ADNP: variants seen among roughly 807,000 people sequenced by gnomAD.
The protein encoded by ADNP is activity dependent neuroprotector homeobox.
A neutral mutation model predicts 84.9 loss-of-function variants in ADNP; 4 were observed. The ratio of observed to expected loss-of-function variants is 0.05; its 90% CI spans 0.02 to 0.11. The LOEUF (loss-of-function observed/expected upper bound fraction) is 0.11. Among genes scored for constraint, ADNP ranks in the 10% least tolerant of loss-of-function variants. The probability of loss-of-function intolerance (pLI) is 1.00; values close to 1 mark genes in which losing one functional copy is unlikely to be tolerated. For missense variants in ADNP, 1,132 were observed against 1,326.0 expected (o/e 0.85, Z 2.27); for synonymous variants, 554 against 468.1 (o/e 1.18, Z -2.37).
intron 1 of ADNP, among the ~76,000 whole-genome samples, chr20:50,929,696 C>T (rs757896418): frequency 6.6e-6 from 1 of 151,998 alleles, no homozygotes; most frequent in African/African-American, 2.4e-5. Context: ...TCTAAAGAAA[C>T]TGTATCAAGC....
chr20:50,891,497 CCTCA>C lies in ADNP; in HGVS notation c.3213_3216del (p.Ser1071ArgfsTer9), dbSNP rs1568701332. ...GTCATGTTGTCAAACTGTTCCCCAT[CCTCA>C]CTGTCAATTGTGCTATTCTGCCACT... On this transcript the variant is annotated frameshift_variant, in exon 6 of 6. Transcript: ENST00000621696. LOFTEE classifies it high-confidence loss of function. 10 of 1,612,500 alleles carry C rather than the reference CCTCA, an allele frequency of 6.2e-6. No individual in the cohort carries two copies. Among genetic ancestry groups the C allele is most frequent in the Non-Finnish European group, 7.6e-6 (9 of 1,180,018 alleles).
At chr20:50,930,582 G>A (rs1984646506) in intron 1 of ADNP, among the ~76,000 whole-genome samples, 1 of 152,170 alleles carries the variant, frequency 6.6e-6, no homozygotes, top group Non-Finnish European at 1.5e-5. Context: ...GGCGGAGAAG[G>A]GGGTCGGGCT....
At chr20:50,925,055 G>C (rs1984194840) in intron 2 of ADNP, among the ~76,000 whole-genome samples, 1 of 152,028 alleles carries the variant, frequency 6.6e-6, no homozygotes, top group East Asian at 1.9e-4. Context: ...ACCAAGGTAG[G>C]GATCAATAAT....
At chr20:50,899,874 T>A (rs546041720) in intron 5 of ADNP, among the ~76,000 whole-genome samples, 1 of 148,562 alleles carries the variant, frequency 6.7e-6, no homozygotes, top group Non-Finnish European at 1.5e-5. Context: ...ACAATTTTTT[T>A]TTTTTTTTTT....
At position 50,891,370 on chromosome 20, in the gene ADNP, C is replaced by A. The variant is rs959731070; in HGVS notation, c.*35G>T. 2.6e-6 allele frequency: 4 copies of A among 1,550,446 alleles called. No homozygotes were observed. Among genetic ancestry groups the A allele is most frequent in the Admixed American group, 1.9e-5 (1 of 52,656 alleles). On this transcript the variant is annotated 3_prime_UTR_variant, in exon 6 of 6. Transcript: ENST00000621696. The stretch of plus-strand genomic sequence containing the variant: ...TCACACTGGATATCAGAGTTCCAGG[C>A]TGCAGCATGTCACCAACGCCAGGGA...
chr20:50,889,594 GTCTT>G lies in ADNP; in HGVS notation c.*1807_*1810del, dbSNP rs1033299435. Reference sequence around the variant, plus strand: ...CTCTCTGGTAACAGCATTAACAAGAGTCTTTCTTTTGGAAACAGACTCAGAAGTT... The same window carrying G: ...CTCTCTGGTAACAGCATTAACAAGAGTCTTTTGGAAACAGACTCAGAAGTT... On this transcript the variant is annotated 3_prime_UTR_variant, in exon 6 of 6. Transcript: ENST00000621696. The G allele has an allele frequency of 3.1e-6, 1 of 325,022 alleles. No individual in the cohort carries two copies. The highest frequency in any genetic ancestry group is 1.6e-4 in the South Asian group (1 of 6,342). The allele number at this position is 325,022 out of a possible 1,614,324, so 20.1% of individuals were successfully genotyped here. A position where few individuals can be genotyped will look rare whatever the true frequency, so the allele number is the denominator to read the frequency against.
At chr20:50,910,970 G>A (rs1454266440) in intron 2 of ADNP, among the ~76,000 whole-genome samples, 3 of 152,168 alleles carry the variant, frequency 2.0e-5, no homozygotes, top group African/African-American at 7.2e-5. Flanking sequence ...CAATTCTGGA[G>A]ACTAACACTG....
chr20:50,891,737 G>T lies in ADNP; in HGVS notation c.2977C>A (p.Pro993Thr). Residue 993 changes from proline (P) to threonine (T), a missense_variant, in exon 6 of 6, where the codon CCA becomes ACA. Pro to Thr is a conservative substitution (Grantham distance 38). Coordinates refer to ENST00000621696, the MANE Select transcript of ADNP (RefSeq NM_001282531.3). ...GAAGACTCGTCAGACCAGGTTCCTG[G>T]TTTCATTTCGCAGGTATTGTCCTCA... ...DFEDNTCEMK[P>T]GTWSDESSQS... 1 of 1,614,134 alleles carries T rather than the reference G, an allele frequency of 6.2e-7. No individual in the cohort carries two copies. Among genetic ancestry groups the T allele is most frequent in the African/African-American group, 1.3e-5 (1 of 75,032 alleles).
Position 50,928,817 on chromosome 20 carries a change from A to G in ADNP, c.-256T>C, listed in dbSNP as rs1984454232. ...CTGGGGCCTAGGTTTCGCATTGTGCATCTCACACCTATGGAAATAACAAGA... is the reference window on the plus strand; with the variant it reads ...CTGGGGCCTAGGTTTCGCATTGTGCGTCTCACACCTATGGAAATAACAAGA... On this transcript the variant is annotated 5_prime_UTR_variant, in exon 2 of 6. The change abolishes an upstream ATG in the 5' untranslated region. Coordinates refer to ENST00000621696, the MANE Select transcript of ADNP (RefSeq NM_001282531.3). 6.6e-6 allele frequency: 1 copy of G among 152,272 alleles called. No homozygotes were observed. The highest frequency in any genetic ancestry group is 2.4e-5 in the African/African-American group (1 of 41,468). 9.4% of individuals were successfully genotyped at this position (152,272 alleles called of 1,614,324 possible). A position where few individuals can be genotyped will look rare whatever the true frequency, so the allele number is the denominator to read the frequency against.
At chr20:50,917,396 G>A (rs1328269450) in intron 2 of ADNP, among the ~76,000 whole-genome samples, 1 of 152,192 alleles carries the variant, frequency 6.6e-6, no homozygotes, top group African/African-American at 2.4e-5. Flanking sequence ...CCATCACCAT[G>A]GAGGCCAAGA....
chr20:50,901,952 C>A (rs1372691860), intron 5 of ADNP, 65 bp downstream of exon 5: 2 of 1,201,074 alleles, frequency 1.7e-6, no homozygotes, highest in African/African-American at 3.0e-5. Context: ...CTATAAAAGG[C>A]CTAGAGCTGA....
intron 2 of ADNP, chr20:50,914,252 C>T: frequency 1.4e-6 from 1 of 712,042 alleles, no homozygotes; most frequent in Admixed American, 2.1e-5. Flanking sequence ...AACACTCCTC[C>T]ACACTTAGTC....
At chr20:50,926,559 T>A (rs377021474) in intron 2 of ADNP, among the ~76,000 whole-genome samples, 2 of 152,230 alleles carry the variant, frequency 1.3e-5, no homozygotes, top group East Asian at 3.8e-4. Context: ...CTTAGATGTA[T>A]TGTCCCCAAA....
At chr20:50,911,280 T>C (rs531899700) in intron 2 of ADNP, among the ~76,000 whole-genome samples, 37 of 152,348 alleles carry the variant, frequency 2.4e-4, no homozygotes, top group Admixed American at 1.2e-3. Context: ...ATGAATTCTT[T>C]GCCTAGACCA....
At chr20:50,920,723 G>GT (rs1243169228) in intron 2 of ADNP, among the ~76,000 whole-genome samples, 1 of 152,104 alleles carries the variant, frequency 6.6e-6, no homozygotes, top group Non-Finnish European at 1.5e-5. Context: ...GGATACTGGG[G>GT]TAAGAGTAAA....
In ADNP at chr20:50,892,039, G is replaced by C; in HGVS notation, c.2675C>G (p.Pro892Arg). Reference sequence around the variant, plus strand: ...TTCAACTTCAAAAACAGGGTCAAAAGGGCTACCACTTTCATTGGATTCTTC... The same window carrying C: ...TTCAACTTCAAAAACAGGGTCAAAACGGCTACCACTTTCATTGGATTCTTC... ...LEEESNESGS[P>R]FDPVFEVEPK... The change falls in exon 6 of 6, where the codon CCT becomes CGT. Residue 892 changes from proline to arginine, a missense_variant. Pro to Arg is a moderately radical substitution (Grantham distance 103). Transcript: ENST00000621696. 6.2e-7 allele frequency: 1 copy of C among 1,614,166 alleles called. No individual in the cohort carries two copies. Among genetic ancestry groups the C allele is most frequent in the Non-Finnish European group, 8.5e-7 (1 of 1,180,036 alleles).
At chr20:50,927,912 T>C (rs1428685856) in intron 2 of ADNP, among the ~76,000 whole-genome samples, 12 of 152,234 alleles carry the variant, frequency 7.9e-5, no homozygotes, top group Non-Finnish European at 1.8e-4. Flanking sequence ...AATTATATGG[T>C]CATTTTCAGA....
chr20:50,906,868 C>G (rs191012840), intron 2 of ADNP, among the ~76,000 whole-genome samples: 1 of 151,790 alleles, frequency 6.6e-6, no homozygotes, highest in Non-Finnish European at 1.5e-5. Context: ...AGCAGTGACA[C>G]TGCTTACTGG....
intron 2 of ADNP, among the ~76,000 whole-genome samples, chr20:50,925,476 G>C (rs1197690664): frequency 2.0e-5 from 3 of 151,970 alleles, no homozygotes; most frequent in African/African-American, 7.3e-5. Flanking sequence ...AGAGGATGAA[G>C]GAACATAATC....
Sources: gnomAD v4.1 joint callset for allele counts (sites outside exome capture counted in the v4.1 genomes callset) on GRCh38, gnomAD v4.1.1 for gene constraint, MANE v1.5 for transcripts, NCBI Gene and HGNC (gene_info 2026-07-23, HGNC 2026-07-21) for gene names.